The following ODAD2 variants were observed in gnomAD, a reference collection of about 807,000 sequenced individuals.
ODAD2 encodes outer dynein arm docking complex subunit 2.
Under a neutral mutation model 106.8 loss-of-function variants are expected in ODAD2, and 89 were observed. That is an observed-to-expected ratio of 0.83 (90% confidence interval 0.70 to 0.99). ODAD2 has a LOEUF of 0.99. Ranked by LOEUF, ODAD2 falls within the 50% of genes least tolerant of loss-of-function variation. The probability of loss-of-function intolerance (pLI) is 0.00; values close to 1 mark genes in which losing one functional copy is unlikely to be tolerated. For synonymous variants in ODAD2, 404 were observed against 436.2 expected, an observed-to-expected ratio of 0.93 and a Z score of 0.92; for missense variants, 1,168 against 1,238.5, an observed-to-expected ratio of 0.94 and a Z score of 0.85.
rs967095541 is a variant in ODAD2 at position 27,849,401 on chromosome 10, G to A, written c.3021+11224C>T. On this transcript the variant is annotated intron_variant, in intron 19 of 19. Coordinates refer to ENST00000305242, the MANE Select transcript of ODAD2 (RefSeq NM_018076.5). ...GGAACATCACATACCGGGGCCTGTC[G>A]TGGGGTGGGAGGAGGGGGAGGGATA... Among the ~76,000 whole-genome samples, 30 of 151,242 alleles carry A rather than the reference G, an allele frequency of 2.0e-4. 1 individual carries two copies. Among genetic ancestry groups the A allele is most frequent in the African/African-American group, 5.8e-4 (24 of 41,064 alleles).
intron 16 of ODAD2, among the ~76,000 whole-genome samples, chr10:27,910,264 T>C (rs567672559): frequency 4.6e-5 from 7 of 152,264 alleles, no homozygotes; most frequent in African/African-American, 9.6e-5. Flanking sequence ...AGCTAGCACA[T>C]TTGATCAGCG....
intron 8 of ODAD2, 63 bp downstream of exon 8, chr10:27,971,045 G>A (rs1848823362): frequency 4.9e-6 from 4 of 816,514 alleles, no homozygotes; most frequent in Non-Finnish European, 7.4e-6. Context: ...AAAGTTCTGT[G>A]AAAAATTAGG....
At position 27,936,786 on chromosome 10, in the gene ODAD2, C is replaced by T. The variant is rs746405520; in HGVS notation, c.2192G>A (p.Arg731Gln). Residue 731 changes from arginine to glutamine, a missense_variant, in exon 15 of 20, where the codon CGG (arginine) becomes CAG (glutamine). This residue lies in a region of ODAD2 where 701 missense variants were observed against 712.3 expected (regional missense o/e 0.98). Transcript: ENST00000305242. The part of the protein sequence containing the change: ...SLLNNTDNKE[R>Q]LAAVTGAIWK... ...TATAGCCCCTGTGACAGCAGCTAAC[C>T]GCTCTTTATTGTCAGTGTTATTGAG... 1.3e-5 allele frequency: 21 copies of T among 1,613,868 alleles called. No homozygotes were observed. Among genetic ancestry groups the T allele is most frequent in the South Asian group, 3.3e-5 (3 of 91,070 alleles).
At chr10:27,845,909 C>A (rs1268134860) in intron 19 of ODAD2, among the ~76,000 whole-genome samples, 1 of 152,100 alleles carries the variant, frequency 6.6e-6, no homozygotes, top group South Asian at 2.1e-4. Flanking sequence ...ACAGGAGCAC[C>A]CAGATTCATA....
chr10:27,841,562 A>G (rs1838309044), intron 19 of ODAD2, among the ~76,000 whole-genome samples: 1 of 151,376 alleles, frequency 6.6e-6, no homozygotes, highest in Non-Finnish European at 1.5e-5. Context: ...TGCCCGGCTA[A>G]TTTTTGTATT....
intron 19 of ODAD2, among the ~76,000 whole-genome samples, chr10:27,844,877 G>A (rs1019857063): frequency 6.6e-6 from 1 of 152,202 alleles, no homozygotes; most frequent in African/African-American, 2.4e-5. Context: ...CGAAGGAGTT[G>A]GATTTGACTT....
chr10:27,955,235 A>AT lies in ODAD2; in HGVS notation c.1386+6332dup, dbSNP rs759061144. 2.6e-3 allele frequency among the ~76,000 whole-genome samples: 387 copies of AT among 149,228 alleles called. 2 individuals are homozygous for AT. Among genetic ancestry groups the AT allele is most frequent in the East Asian group, 0.01 (53 of 5,128 alleles). ...ACTCTGTGCCATCACATTCTTTTCC[A>AT]TTTTTTTTTTAAGTAAAGACAGCAG... On this transcript the variant is annotated intron_variant, in intron 10 of 19. Coordinates refer to ENST00000305242, the MANE Select transcript of ODAD2 (RefSeq NM_018076.5).
At chr10:27,814,487 T>G (rs1394862279) in intron 19 of ODAD2, among the ~76,000 whole-genome samples, 3 of 152,216 alleles carry the variant, frequency 2.0e-5, no homozygotes, top group Non-Finnish European at 4.4e-5. Flanking sequence ...GGCCTGCCAT[T>G]GTCACTGATC....
At chr10:27,861,989 G>C (rs1027308110) in intron 18 of ODAD2, among the ~76,000 whole-genome samples, 1 of 152,158 alleles carries the variant, frequency 6.6e-6, no homozygotes, top group African/African-American at 2.4e-5. Flanking sequence ...GTCTGGCACA[G>C]CTCTGGATAA....
At chr10:27,884,094 A>C (rs1841919560) in intron 17 of ODAD2, among the ~76,000 whole-genome samples, 1 of 152,168 alleles carries the variant, frequency 6.6e-6, no homozygotes, top group South Asian at 2.1e-4. Context: ...TTTTATGTAG[A>C]ATATACTCAA....
chr10:27,830,396 AC>A (rs1837384904), intron 19 of ODAD2, among the ~76,000 whole-genome samples: 1 of 152,114 alleles, frequency 6.6e-6, no homozygotes, highest in African/African-American at 2.4e-5. Context: ...GAGAGTCTCA[AC>A]TCGATACTTG....
intron 10 of ODAD2, among the ~76,000 whole-genome samples, chr10:27,956,364 G>T (rs186454420): frequency 2.2e-4 from 34 of 152,242 alleles, no homozygotes; most frequent in African/African-American, 7.7e-4. Flanking sequence ...CAGGGAGGAG[G>T]TACATGTGGA....
At chr10:27,965,393 A>G (rs1848425883) in intron 9 of ODAD2, among the ~76,000 whole-genome samples, 1 of 152,188 alleles carries the variant, frequency 6.6e-6, no homozygotes, top group Non-Finnish European at 1.5e-5. Context: ...AGAGAATGGA[A>G]GCTTTGGTGC....
At position 27,976,191 on chromosome 10, in the gene ODAD2, G is replaced by A. The variant is rs1181234657; in HGVS notation, c.937-4878C>T. On this transcript the variant is annotated intron_variant, in intron 7 of 19. Coordinates refer to ENST00000305242, the MANE Select transcript of ODAD2 (RefSeq NM_018076.5). ...TTGAAAGATTTCCCTGTAATATCAGGAACAAGAGACCATTTCTATTCAATT... is the reference window on the plus strand; with the variant it reads ...TTGAAAGATTTCCCTGTAATATCAGAAACAAGAGACCATTTCTATTCAATT... 3.3e-5 allele frequency among the ~76,000 whole-genome samples: 5 copies of A among 151,658 alleles called. No individual in the cohort carries two copies. The East Asian group carries it at 9.8e-4, about 30-fold the overall frequency.
chr10:27,984,039 G>C, intron 5 of ODAD2, 60 bp from the exon 6 acceptor site: 2 of 1,570,360 alleles, frequency 1.3e-6, no homozygotes, highest in Non-Finnish European at 1.7e-6. Context: ...GGTAAAAAGT[G>C]TTGGCTTCCA....
chr10:27,935,148 T>C lies in ODAD2; in HGVS notation c.2357A>G (p.Glu786Gly), dbSNP rs1483019713. 8.1e-6 allele frequency: 13 copies of C among 1,613,904 alleles called. No homozygotes were observed. The highest frequency in any genetic ancestry group is 1.1e-5 in the Non-Finnish European group (13 of 1,179,898). Residue 786 changes from glutamate (E) to glycine (G), a missense_variant, in exon 16 of 20, where the codon GAA (glutamate) becomes GGA (glycine). Transcript: ENST00000305242. ...VVGALGECCQ[E>G]RENRVIVRKC... is the part of the protein sequence containing the mutation. ...CCGGACAATGACTCGGTTTTCACGT[T>C]CTTGGCAGCATTCTCCCAAGGCCCC...
chr10:27,940,569 T>C lies in ODAD2; in HGVS notation c.1980A>G (p.Ala660=). 2.5e-6 allele frequency: 4 copies of C among 1,614,098 alleles called. No homozygotes were observed. Among genetic ancestry groups the C allele is most frequent in the Non-Finnish European group, 3.4e-6 (4 of 1,179,968 alleles). ...GCAGAACTGGCATGAGTACCTCTGA[T>C]GCACACTCTTGCAATGTCCCCACCA... ...IPVVGTLQEC[A]SEENYRAAIK... is the part of the protein sequence containing the mutation. The change falls in exon 13 of 20, where the codon GCA becomes GCG. Residue 660 remains alanine, a synonymous_variant. Coordinates refer to ENST00000305242, the MANE Select transcript of ODAD2 (RefSeq NM_018076.5).
At chr10:27,984,959 G>A in intron 4 of ODAD2, 60 bp downstream of exon 4, 1 of 1,134,286 alleles carries the variant, frequency 8.8e-7, no homozygotes. Flanking sequence ...ACCCAGGCTG[G>A]AGTTCAGTGG....
intron 17 of ODAD2, among the ~76,000 whole-genome samples, chr10:27,865,449 C>A (rs1157472737): frequency 6.6e-6 from 1 of 152,200 alleles, no homozygotes; most frequent in African/African-American, 2.4e-5. Flanking sequence ...TCCTACACAT[C>A]TTCAGCTGCC....
Sources: allele counts gnomAD v4.1 joint callset (sites outside exome capture counted in the v4.1 genomes callset), GRCh38; gene constraint gnomAD v4.1.1; regional missense constraint gnomAD v4.1.1; transcripts MANE v1.5; gene names NCBI Gene and HGNC (gene_info 2026-07-23, HGNC 2026-07-21).